GPC5: variants seen among roughly 807,000 people sequenced by gnomAD.
GPC5 encodes glypican 5, also known as glypican-5.
GPC5 carries 47 observed loss-of-function variants against 53.9 expected under a neutral mutation model. The ratio of observed to expected loss-of-function variants is 0.87; its 90% CI spans 0.69 to 1.11. The LOEUF is 1.11. Ranked by LOEUF, GPC5 falls within the 50% of genes most tolerant of loss-of-function variation. The probability of loss-of-function intolerance (pLI) is 0.00; values close to 1 mark genes in which losing one functional copy is unlikely to be tolerated. For missense variants in GPC5, 748 were observed against 713.1 expected, an observed-to-expected ratio of 1.05 and a Z score of -0.56; for synonymous variants, 286 against 263.3, an observed-to-expected ratio of 1.09 and a Z score of -0.84.
chr13:92,728,604 G>T (rs1888712644), intron 7 of GPC5, among the ~76,000 whole-genome samples: 1 of 151,332 alleles, frequency 6.6e-6, no homozygotes, highest in South Asian at 2.1e-4. Context: ...GAATTTAAAT[G>T]TTGACACATA....
chr13:92,174,492 A>C (rs1593961306), intron 7 of GPC5, among the ~76,000 whole-genome samples: 1 of 151,604 alleles, frequency 6.6e-6, no homozygotes, highest in Non-Finnish European at 1.5e-5. Flanking sequence ...CAGAGATCGC[A>C]CCACTGCATT....
At chr13:92,443,010 T>C (rs1877639804) in intron 7 of GPC5, among the ~76,000 whole-genome samples, 3 of 152,204 alleles carry the variant, frequency 2.0e-5, no homozygotes, top group Non-Finnish European at 4.4e-5. Context: ...GGGTAATTTA[T>C]AAATAAAAGA....
intron 5 of GPC5, among the ~76,000 whole-genome samples, chr13:91,857,646 G>A (rs930701501): frequency 2.0e-5 from 3 of 149,694 alleles, no homozygotes; most frequent in Admixed American, 1.3e-4. Flanking sequence ...TCAAACCTCA[G>A]TACATTAAAT....
At chr13:92,632,463 C>CATATATATATATATATATAT (rs34336057) in intron 7 of GPC5, among the ~76,000 whole-genome samples, 52 of 120,082 alleles carry the variant, frequency 4.3e-4, no homozygotes, top group South Asian at 2.3e-3. Flanking sequence ...AAATATTCCA[C>CATATATATATATATATATAT]ATATATATAT....
intron 6 of GPC5, among the ~76,000 whole-genome samples, chr13:91,997,369 C>T (rs2040513101): frequency 6.6e-6 from 1 of 152,214 alleles, no homozygotes; most frequent in African/African-American, 2.4e-5. Flanking sequence ...CCATCTTCAA[C>T]CCTAAAGCTT....
intron 6 of GPC5, among the ~76,000 whole-genome samples, chr13:92,006,831 A>G (rs2040611071): frequency 6.6e-6 from 1 of 152,172 alleles, no homozygotes; most frequent in Admixed American, 6.5e-5. Flanking sequence ...CATAGCTTAT[A>G]GATTTGGAGA....
chr13:91,798,228 GTTTGT>G (rs763569580), intron 5 of GPC5, among the ~76,000 whole-genome samples: 36 of 152,284 alleles, frequency 2.4e-4, no homozygotes, highest in Non-Finnish European at 4.4e-4. Flanking sequence ...GGAAGCGCAG[GTTTGT>G]TACATAGGTA....
At chr13:91,717,431 G>T (rs956639268) in intron 3 of GPC5, among the ~76,000 whole-genome samples, 2 of 152,200 alleles carry the variant, frequency 1.3e-5, no homozygotes, top group South Asian at 2.1e-4. Flanking sequence ...GAGAAAGTCG[G>T]CAAGGTAGCC....
chr13:92,770,773 A>G (rs7322310), intron 7 of GPC5, among the ~76,000 whole-genome samples: 55,957 of 151,988 alleles, frequency 0.37, 11,667 homozygotes, highest in East Asian at 0.75. Flanking sequence ...ATTATGTGTA[A>G]GGGACTCCAG....
At chr13:92,740,668 A>C (rs551818045) in intron 7 of GPC5, among the ~76,000 whole-genome samples, 1 of 152,046 alleles carries the variant, frequency 6.6e-6, no homozygotes, top group Non-Finnish European at 1.5e-5. Context: ...GCTTTGAACT[A>C]CTTCTAAAAG....
chr13:92,619,646 AT>A (rs1397924061), intron 7 of GPC5, among the ~76,000 whole-genome samples: 1 of 152,038 alleles, frequency 6.6e-6, no homozygotes, highest in African/African-American at 2.4e-5. Context: ...GCTATTAATG[AT>A]AAAAAATGAT....
chr13:91,844,922 G>A (rs191017129), intron 5 of GPC5, among the ~76,000 whole-genome samples: 103 of 152,030 alleles, frequency 6.8e-4, no homozygotes, highest in Admixed American at 4.9e-3. Flanking sequence ...AAGTTAATTT[G>A]TGTTAGAAAA....
intron 7 of GPC5, among the ~76,000 whole-genome samples, chr13:92,229,504 G>T (rs1468497237): frequency 3.3e-5 from 5 of 151,942 alleles, no homozygotes; most frequent in Admixed American, 3.3e-4. Context: ...ATATTTTTAG[G>T]TTGAGCTTCT....
At chr13:92,134,858 T>C (rs960066260) in intron 6 of GPC5, among the ~76,000 whole-genome samples, 1 of 152,102 alleles carries the variant, frequency 6.6e-6, no homozygotes, top group African/African-American at 2.4e-5. Context: ...TTTGTGCCAT[T>C]CGTGTGTGTG....
At chr13:91,769,612 G>A (rs1416417138) in intron 5 of GPC5, among the ~76,000 whole-genome samples, 1 of 152,208 alleles carries the variant, frequency 6.6e-6, no homozygotes, top group Non-Finnish European at 1.5e-5. Flanking sequence ...AGGGAAATCA[G>A]CGTGTGTGGC....
chr13:92,770,057 A>G (rs925829800), intron 7 of GPC5, among the ~76,000 whole-genome samples: 5 of 152,112 alleles, frequency 3.3e-5, no homozygotes, highest in African/African-American at 1.2e-4. Flanking sequence ...TTTCCCCTAT[A>G]GTCAGCACTG....
chr13:91,738,923 C>G (rs1168674074), intron 4 of GPC5, among the ~76,000 whole-genome samples: 1 of 151,318 alleles, frequency 6.6e-6, no homozygotes, highest in African/African-American at 2.5e-5. Context: ...TTTATCCTTT[C>G]TGGTGCTCTT....
At chr13:92,447,472 A>G (rs1342729129) in intron 7 of GPC5, 1 of 152,072 alleles carries the variant, frequency 6.6e-6, no homozygotes, top group African/African-American at 2.4e-5. Flanking sequence ...ATAAGAATAG[A>G]AGCTTTTTTA....
At chr13:92,710,899 G>A (rs1257537317) in intron 7 of GPC5, among the ~76,000 whole-genome samples, 1 of 152,102 alleles carries the variant, frequency 6.6e-6, no homozygotes, top group Admixed American at 6.5e-5. Flanking sequence ...GAAAATATAA[G>A]ACTGAATAAT....
Sources: allele counts gnomAD v4.1 joint callset (sites outside exome capture counted in the v4.1 genomes callset), GRCh38; gene constraint gnomAD v4.1.1; transcripts MANE v1.5; gene names NCBI Gene and HGNC (gene_info 2026-07-23, HGNC 2026-07-21).